Variants in FARS2 observed in about 807,000 individuals in gnomAD.
FARS2 encodes phenylalanine--tRNA ligase, mitochondrial.
A neutral mutation model predicts 46.4 loss-of-function variants in FARS2; 40 were observed. That is an observed-to-expected ratio of 0.86 (90% CI 0.67 to 1.12). The LOEUF (loss-of-function observed/expected upper bound fraction) is 1.12, where lower values mean the gene tolerates loss of function less well. Among genes scored for constraint, FARS2 ranks in the 50% most tolerant of loss-of-function variants. The pLI is 0.00. For synonymous variants in FARS2, 234 were observed against 214.9 expected, an observed-to-expected ratio of 1.09 and a Z score of -0.78; for missense variants, 513 against 567.9, an observed-to-expected ratio of 0.90 and a Z score of 0.98.
chr6:5,738,366 C>T (rs1334118011), intron 6 of FARS2, among the ~76,000 whole-genome samples: 1 of 152,196 alleles, frequency 6.6e-6, no homozygotes, highest in African/African-American at 2.4e-5. Context: ...GTACTGCAAA[C>T]AGTCAGAGGA....
At chr6:5,627,290 CTG>C (rs1315380011) in intron 6 of FARS2, among the ~76,000 whole-genome samples, 1 of 152,214 alleles carries the variant, frequency 6.6e-6, no homozygotes, top group African/African-American at 2.4e-5. Flanking sequence ...GTTTTGGATT[CTG>C]TGTTTGACAG....
At chr6:5,575,416 T>A (rs1244649471) in intron 5 of FARS2, among the ~76,000 whole-genome samples, 1 of 152,208 alleles carries the variant, frequency 6.6e-6, no homozygotes, top group East Asian at 1.9e-4. Context: ...CACCTGTGTA[T>A]CTGTACCTCC....
At chr6:5,530,291 A>G (rs1313013099) in intron 4 of FARS2, among the ~76,000 whole-genome samples, 1 of 152,182 alleles carries the variant, frequency 6.6e-6, no homozygotes, top group East Asian at 1.9e-4. Flanking sequence ...ACAAGCGGCC[A>G]GGATTCTCCA....
At chr6:5,535,544 C>T (rs1283987300) in intron 4 of FARS2, among the ~76,000 whole-genome samples, 2 of 152,142 alleles carry the variant, frequency 1.3e-5, no homozygotes, top group Non-Finnish European at 2.9e-5. Context: ...TAGTGCTATA[C>T]TGACTAGTAG....
At chr6:5,329,455 G>A (rs55716067) in intron 1 of FARS2, among the ~76,000 whole-genome samples, 2 of 148,162 alleles carry the variant, frequency 1.3e-5, no homozygotes, top group African/African-American at 4.9e-5. Flanking sequence ...GACAACAAAT[G>A]TATGAGTTTT....
rs561392759 is a variant in FARS2 at position 5,326,199 on chromosome 6, G to A, written c.-21-42351G>A. Among the ~76,000 whole-genome samples the A allele has an allele frequency of 1.0e-3, 149 of 146,522 alleles. No homozygotes were observed. Among genetic ancestry groups the A allele is most frequent in the Non-Finnish European group, 2.0e-3 (131 of 66,190 alleles). On this transcript the variant is annotated intron_variant, in intron 1 of 6. Coordinates refer to ENST00000274680, the MANE Select transcript of FARS2 (RefSeq NM_006567.5). The stretch of plus-strand genomic sequence containing the variant: ...GCGTTATTTATTTCCTGTGCTGTCA[G>A]TGGAGAGCCTGCTTTGCCTCCTGTT...
chr6:5,380,164 A>G (rs1177447508), intron 2 of FARS2, among the ~76,000 whole-genome samples: 2 of 152,232 alleles, frequency 1.3e-5, no homozygotes, highest in South Asian at 4.1e-4. Flanking sequence ...TGGAATACAC[A>G]GAGAATAGAG....
intron 1 of FARS2, among the ~76,000 whole-genome samples, chr6:5,285,963 C>T (rs534668731): frequency 8.5e-5 from 13 of 152,324 alleles, no homozygotes; most frequent in African/African-American, 1.2e-4. Context: ...TTCCCACCCA[C>T]GGTCTCATAC....
chr6:5,500,834 T>C (rs554943120), intron 4 of FARS2, among the ~76,000 whole-genome samples: 1 of 152,108 alleles, frequency 6.6e-6, no homozygotes, highest in Non-Finnish European at 1.5e-5. Flanking sequence ...AGAGGGTAGT[T>C]CTGGTATTTA....
chr6:5,437,548 A>G (rs1220662833), intron 4 of FARS2, among the ~76,000 whole-genome samples: 1 of 151,954 alleles, frequency 6.6e-6, no homozygotes, highest in Non-Finnish European at 1.5e-5. Flanking sequence ...ATATATTTTC[A>G]TAGTAGTTAT....
At chr6:5,465,960 T>C (rs1425205220) in intron 4 of FARS2, among the ~76,000 whole-genome samples, 1 of 152,180 alleles carries the variant, frequency 6.6e-6, no homozygotes, top group African/African-American at 2.4e-5. Context: ...GAATCAATTT[T>C]ATCCTTATTT....
chr6:5,422,712 G>A (rs114238593), intron 3 of FARS2, among the ~76,000 whole-genome samples: 2,520 of 152,344 alleles, frequency 0.017, 28 homozygotes, highest in Non-Finnish European at 0.027. Context: ...GGCATGGGAC[G>A]TGTTTAGCAC....
intron 5 of FARS2, among the ~76,000 whole-genome samples, chr6:5,550,640 T>C (rs932584191): frequency 2.0e-5 from 3 of 152,222 alleles, no homozygotes; most frequent in South Asian, 2.1e-4. Flanking sequence ...CCTGAAGAAT[T>C]TGGGGAGTCA....
chr6:5,422,398 A>T (rs1268903525), intron 3 of FARS2, among the ~76,000 whole-genome samples: 1 of 151,814 alleles, frequency 6.6e-6, no homozygotes, highest in Non-Finnish European at 1.5e-5. Context: ...TAAATCATAA[A>T]TGTCACTGTT....
intron 6 of FARS2, among the ~76,000 whole-genome samples, chr6:5,707,686 C>T (rs1758843343): frequency 6.6e-6 from 1 of 152,234 alleles, no homozygotes; most frequent in African/African-American, 2.4e-5. Flanking sequence ...TCTGAGCACA[C>T]ATGCCAGTCT....
chr6:5,649,691 TGAGTAACTTGTCCTCAGTCC>T (rs1225590852), intron 6 of FARS2, among the ~76,000 whole-genome samples: 1 of 152,228 alleles, frequency 6.6e-6, no homozygotes, highest in Non-Finnish European at 1.5e-5. Context: ...CTTAGAGAAC[TGAGTAACTTGTCCTCAGTCC>T]ACACAAGTAG....
chr6:5,370,964 G>A (rs912912305), intron 2 of FARS2, among the ~76,000 whole-genome samples: 1 of 152,194 alleles, frequency 6.6e-6, no homozygotes, highest in Non-Finnish European at 1.5e-5. Flanking sequence ...TCGCAAGGTA[G>A]ATCATTTTGA....
At chr6:5,261,012 C>G, upstream of FARS2, 10 of 1,053,452 alleles carry the variant, frequency 9.5e-6, no homozygotes, top group Non-Finnish European at 1.2e-5. Context: ...ATCCCGCCCC[C>G]GCCCGGAGGC....
chr6:5,626,651 C>T (rs912265066), intron 6 of FARS2, among the ~76,000 whole-genome samples: 31 of 152,222 alleles, frequency 2.0e-4, no homozygotes, highest in African/African-American at 7.0e-4. Context: ...GATATTTCAC[C>T]TCAGACCTGG....
Sources: allele counts gnomAD v4.1 joint callset (sites outside exome capture counted in the v4.1 genomes callset), GRCh38; gene constraint gnomAD v4.1.1; transcripts MANE v1.5; gene names NCBI Gene and HGNC (gene_info 2026-07-23, HGNC 2026-07-21).